The following SUGCT variants were observed in gnomAD, a reference collection of about 807,000 sequenced individuals.
The protein encoded by SUGCT is succinyl-CoA:glutarate CoA-transferase.
A neutral mutation model predicts 55.0 loss-of-function variants in SUGCT; 41 were observed. The observed-to-expected ratio is 0.74, with a 90% confidence interval of 0.58 to 0.97. The LOEUF (loss-of-function observed/expected upper bound fraction) is 0.97, where lower values mean the gene tolerates loss of function less well. Among genes scored for constraint, SUGCT ranks in the 50% least tolerant of loss-of-function variants. The pLI is 0.00. For missense variants in SUGCT, 568 were observed against 547.8 expected, an observed-to-expected ratio of 1.04 and a Z score of -0.37; for synonymous variants, 187 against 200.4, an observed-to-expected ratio of 0.93 and a Z score of 0.56.
At chr7:40,757,407 G>C (rs1003932993) in intron 13 of SUGCT, among the ~76,000 whole-genome samples, 28 of 152,168 alleles carry the variant, frequency 1.8e-4, no homozygotes, top group Non-Finnish European at 2.8e-4. Flanking sequence ...GTTGGGACTT[G>C]GAAAGCTGCC....
chr7:40,841,405 CA>C (rs1452497355), intron 13 of SUGCT, among the ~76,000 whole-genome samples: 1 of 152,046 alleles, frequency 6.6e-6, no homozygotes, highest in Non-Finnish European at 1.5e-5. Context: ...TAGATGACGA[CA>C]ACTAAATTGA....
chr7:40,572,933 G>A (rs143648649), intron 12 of SUGCT, among the ~76,000 whole-genome samples: 2 of 152,128 alleles, frequency 1.3e-5, no homozygotes, highest in African/African-American at 2.4e-5. Context: ...TCATCTTGAC[G>A]TCATCTGTCC....
At chr7:40,672,418 T>C (rs1801985334) in intron 12 of SUGCT, among the ~76,000 whole-genome samples, 1 of 152,242 alleles carries the variant, frequency 6.6e-6, no homozygotes. Flanking sequence ...GTGACTTGTA[T>C]GGATCACCAG....
At chr7:40,422,597 A>C (rs983126588) in intron 9 of SUGCT, among the ~76,000 whole-genome samples, 11 of 152,122 alleles carry the variant, frequency 7.2e-5, no homozygotes, top group African/African-American at 2.4e-4. Context: ...TCTTTCCAGG[A>C]CATTTCAGTC....
chr7:40,916,214 G>A, the SUGCT span, among the ~76,000 whole-genome samples: 25 of 152,098 alleles, frequency 1.6e-4, no homozygotes, highest in Non-Finnish European at 3.5e-4. Context: ...TCTTCTTTCA[G>A]TACCAGACCT....
chr7:40,628,499 C>T (rs1330617373), intron 12 of SUGCT, among the ~76,000 whole-genome samples: 1 of 152,126 alleles, frequency 6.6e-6, no homozygotes, highest in Non-Finnish European at 1.5e-5. Flanking sequence ...TAGATCAGGC[C>T]CTCTGGCCAG....
chr7:40,266,319 T>G (rs1040925403), intron 7 of SUGCT, among the ~76,000 whole-genome samples: 4 of 151,670 alleles, frequency 2.6e-5, no homozygotes, highest in African/African-American at 9.7e-5. Context: ...CTGGCTAATT[T>G]TGTATTTTTA....
chr7:40,160,567 T>C (rs1784096488), intron 1 of SUGCT, among the ~76,000 whole-genome samples: 1 of 152,172 alleles, frequency 6.6e-6, no homozygotes, highest in Admixed American at 6.5e-5. Flanking sequence ...TAAAACACCT[T>C]TGAAAAGTGA....
In SUGCT at chr7:40,299,059, A is replaced by G. The variant is rs150063902; in HGVS notation, c.721-17701A>G. On this transcript the variant is annotated intron_variant, in intron 8 of 13. Transcript: ENST00000335693. The stretch of plus-strand genomic sequence containing the variant: ...ATTTCAATTTGTCCAACAGTGTTCA[A>G]TTTAAGCCTTTTATTTTTTAAACTT... Among the ~76,000 whole-genome samples, 248 of 152,314 alleles carry G rather than the reference A, an allele frequency of 1.6e-3. 1 individual carries two copies. Among genetic ancestry groups the G allele is most frequent in the African/African-American group, 5.7e-3 (236 of 41,580 alleles).
chr7:40,557,815 A>C (rs1795634809), intron 12 of SUGCT, among the ~76,000 whole-genome samples: 1 of 151,972 alleles, frequency 6.6e-6, no homozygotes, highest in African/African-American at 2.4e-5. Context: ...CTATCTTGCA[A>C]AAGGACAACC....
At chr7:40,467,037 A>T (rs1790149900) in intron 11 of SUGCT, among the ~76,000 whole-genome samples, 2 of 151,738 alleles carry the variant, frequency 1.3e-5, no homozygotes, top group Admixed American at 1.3e-4. Context: ...CCCCACCTCT[A>T]CTAAAATACA....
At chr7:40,168,231 C>T (rs992497148) in intron 1 of SUGCT, among the ~76,000 whole-genome samples, 2 of 152,120 alleles carry the variant, frequency 1.3e-5, no homozygotes, top group African/African-American at 4.8e-5. Context: ...TCAGTACCCC[C>T]CAACAGGAAA....
At chr7:40,810,579 T>C (rs543190224) in intron 13 of SUGCT, among the ~76,000 whole-genome samples, 1 of 152,288 alleles carries the variant, frequency 6.6e-6, no homozygotes, top group African/African-American at 2.4e-5. Context: ...GATGTGTCTG[T>C]TGCTGTCTTT....
intron 9 of SUGCT, among the ~76,000 whole-genome samples, chr7:40,373,891 T>A (rs534587976): frequency 1.3e-5 from 2 of 152,258 alleles, no homozygotes; most frequent in South Asian, 4.1e-4. Flanking sequence ...CATAAAGAGG[T>A]ACATAATGCC....
chr7:40,665,212 G>A (rs926796356), intron 12 of SUGCT, among the ~76,000 whole-genome samples: 2 of 151,794 alleles, frequency 1.3e-5, no homozygotes, highest in Non-Finnish European at 2.9e-5. Flanking sequence ...GCTGAGGCGG[G>A]CGGATCACCT....
intron 9 of SUGCT, among the ~76,000 whole-genome samples, chr7:40,391,006 C>T (rs1209731920): frequency 2.0e-5 from 3 of 152,166 alleles, no homozygotes; most frequent in Non-Finnish European, 4.4e-5. Context: ...TGTTCTTTGA[C>T]AAACCTGACA....
At chr7:40,194,296 C>T (rs2150746567) in intron 5 of SUGCT, among the ~76,000 whole-genome samples, 2 of 152,266 alleles carry the variant, frequency 1.3e-5, no homozygotes, top group South Asian at 4.1e-4. Flanking sequence ...CAAGGTCTAA[C>T]AGTCTCCCAG....
intron 12 of SUGCT, among the ~76,000 whole-genome samples, chr7:40,574,620 CAG>C (rs1796624159): frequency 6.6e-6 from 1 of 152,156 alleles, no homozygotes; most frequent in Non-Finnish European, 1.5e-5. Context: ...TTAGTAGAGA[CAG>C]GGTTTCACCA....
the SUGCT span, among the ~76,000 whole-genome samples, chr7:40,951,597 A>G: frequency 1.3e-5 from 2 of 152,236 alleles, no homozygotes; most frequent in East Asian, 3.9e-4. Flanking sequence ...ATTTAGTGCT[A>G]TAAATTTCCC....
Sources: gnomAD v4.1 joint callset for allele counts (sites outside exome capture counted in the v4.1 genomes callset) on GRCh38, gnomAD v4.1.1 for gene constraint, MANE v1.5 for transcripts, NCBI Gene and HGNC (gene_info 2026-07-23, HGNC 2026-07-21) for gene names.